The following DPP6 variants were observed in gnomAD, a reference collection of about 807,000 sequenced individuals.
DPP6 encodes the protein A-type potassium channel modulatory protein DPP6.
DPP6 carries 69 observed loss-of-function variants against 122.6 expected under a neutral mutation model. That is an observed-to-expected ratio of 0.56 (90% CI 0.46 to 0.69). The LOEUF is 0.69. Ranked by LOEUF, DPP6 falls within the 30% of genes least tolerant of loss-of-function variation. DPP6 has a pLI of 0.00. For missense variants in DPP6, 928 were observed against 1,116.9 expected (o/e 0.83, Z 2.41); for synonymous variants, 418 against 433.1 (o/e 0.97, Z 0.43).
At chr7:154,230,459 C>T (rs10254647) in intron 1 of DPP6, among the ~76,000 whole-genome samples, 7,310 of 152,256 alleles carry the variant, frequency 0.048, 578 homozygotes, top group African/African-American at 0.16. Context: ...TTCATTTCCA[C>T]GTGGGTCTTG....
intron 1 of DPP6, among the ~76,000 whole-genome samples, chr7:154,226,991 G>A (rs1800641642): frequency 6.6e-6 from 1 of 152,098 alleles, no homozygotes; most frequent in African/African-American, 2.4e-5. Flanking sequence ...ATGTAAAATG[G>A]TGCAGCTGCT....
intron 1 of DPP6, among the ~76,000 whole-genome samples, chr7:154,228,713 C>T (rs1585683242): frequency 6.6e-6 from 1 of 152,016 alleles, no homozygotes; most frequent in South Asian, 2.1e-4. Context: ...GAAAAGTGGA[C>T]TTAAAAGATA....
At chr7:154,080,564 A>T in intron 1 of DPP6, among the ~76,000 whole-genome samples, 1 of 152,168 alleles carries the variant, frequency 6.6e-6, no homozygotes, top group Admixed American at 6.5e-5. Context: ...GCTGGAGCAC[A>T]TATGCTTTTC....
At chr7:154,173,720 G>A (rs867052612) in intron 1 of DPP6, among the ~76,000 whole-genome samples, 36 of 152,150 alleles carry the variant, frequency 2.4e-4, no homozygotes, top group African/African-American at 8.7e-4. Flanking sequence ...GGACAGACAC[G>A]GGATTCCTAT....
intron 1 of DPP6, among the ~76,000 whole-genome samples, chr7:154,247,810 T>C (rs74486946): frequency 1.6e-3 from 250 of 152,314 alleles, no homozygotes; most frequent in African/African-American, 5.8e-3. Flanking sequence ...GGAAAGTTTA[T>C]AGCAGCCCTA....
intron 1 of DPP6, among the ~76,000 whole-genome samples, chr7:154,231,010 G>T (rs1393311705): frequency 6.6e-6 from 1 of 152,146 alleles, no homozygotes; most frequent in Admixed American, 6.5e-5. Flanking sequence ...ACTTATTTTT[G>T]ACATTTGTAA....
At chr7:154,721,070 G>A (rs1233938135) in intron 7 of DPP6, among the ~76,000 whole-genome samples, 1 of 152,224 alleles carries the variant, frequency 6.6e-6, no homozygotes, top group Admixed American at 6.5e-5. Context: ...CTGACATCAG[G>A]TTCCTTCTGA....
chr7:154,053,817 G>T (rs1279141034), intron 1 of DPP6, among the ~76,000 whole-genome samples: 2 of 147,834 alleles, frequency 1.4e-5, no homozygotes, highest in Non-Finnish European at 3.0e-5. Context: ...CTTCATGGGG[G>T]CTGGAAGCCT....
At chr7:154,305,258 C>G (rs976542036) in intron 1 of DPP6, 81 of 1,275,690 alleles carry the variant, frequency 6.3e-5, no homozygotes, top group Non-Finnish European at 7.6e-5. Flanking sequence ...ATTGGAGAAG[C>G]CCCACTAAGC....
chr7:154,803,872 C>T lies in DPP6; in HGVS notation c.1416C>T (p.Ser472=). Residue 472 remains serine, a synonymous_variant, in exon 14 of 26, where the codon AGC becomes AGT. Transcript: ENST00000377770. The part of the protein sequence containing the change: ...HITVSSSQPN[S]SNDNIQSITS... ...ATGTCTGTGTGTTTCAGCCCAACAG[C>T]AGCAACGACAACATCCAGTCCATCA... 1.2e-6 allele frequency: 2 copies of T among 1,613,652 alleles called. No homozygotes were observed. The highest frequency in any genetic ancestry group is 1.7e-6 in the Non-Finnish European group (2 of 1,179,646).
At chr7:154,696,637 G>A (rs1279260980) in intron 7 of DPP6, among the ~76,000 whole-genome samples, 2 of 152,200 alleles carry the variant, frequency 1.3e-5, no homozygotes, top group African/African-American at 4.8e-5. Flanking sequence ...TTCCACTCAT[G>A]GGCTCTGTCC....
rs575856898 is a variant in DPP6 at position 154,329,160 on chromosome 7, A to C, written c.244-117054A>C. 3.3e-5 allele frequency among the ~76,000 whole-genome samples: 5 copies of C among 152,348 alleles called. No homozygotes were observed. The South Asian group carries it at 1.0e-3, about 32-fold the overall frequency. On this transcript the variant is annotated intron_variant, in intron 1 of 25. Transcript: ENST00000377770. Reference sequence around the variant, plus strand: ...TTGTGGATTTACTTAAATATTCCCTATGAAAGCTCCGGTGTACACATTTAT... The same window carrying C: ...TTGTGGATTTACTTAAATATTCCCTCTGAAAGCTCCGGTGTACACATTTAT...
intron 6 of DPP6, among the ~76,000 whole-genome samples, chr7:154,647,168 G>C (rs555536942): frequency 6.6e-6 from 1 of 152,204 alleles, no homozygotes; most frequent in South Asian, 2.1e-4. Context: ...TGTGTGTGCT[G>C]GGGCCCCACC....
chr7:153,791,296 T>C, the DPP6 span, among the ~76,000 whole-genome samples: 2 of 129,774 alleles, frequency 1.5e-5, no homozygotes, highest in East Asian at 4.0e-4. Flanking sequence ...GCAAAGGGAC[T>C]TAATCTTATC....
chr7:153,803,325 G>A, the DPP6 span, among the ~76,000 whole-genome samples: 1 of 150,212 alleles, frequency 6.7e-6, no homozygotes, highest in Non-Finnish European at 1.5e-5. Flanking sequence ...ATTTCTAGAT[G>A]GGATTAGCAT....
In DPP6 at chr7:154,481,971, CG is replaced by C. The variant is rs1586409277; in HGVS notation, c.457+6935del. 3.9e-5 allele frequency among the ~76,000 whole-genome samples: 6 copies of C among 152,304 alleles called. No individual in the cohort carries two copies. In the East Asian group the frequency reaches 1.2e-3, roughly 29 times the overall value. On this transcript the variant is annotated intron_variant, in intron 3 of 25. Transcript: ENST00000377770. The surrounding 1 kb of genome is among the most constrained non-coding windows in gnomAD (Gnocchi z 4.2). ...AAAGTCCCCAGTTTGTGGCCGTCCA[CG>C]AAGACTTCTTGGGCATTTTCTCATT...
At chr7:154,884,189 TAC>T (rs1805841179) in intron 21 of DPP6, 1 of 117,834 alleles carries the variant, frequency 8.5e-6, no homozygotes, top group African/African-American at 3.5e-5. Context: ...CACACACGAT[TAC>T]ATACACCTCC....
At chr7:153,815,291 C>G in the DPP6 span, among the ~76,000 whole-genome samples, 1 of 152,148 alleles carries the variant, frequency 6.6e-6, no homozygotes, top group African/African-American at 2.4e-5. Context: ...GTACAAAAAT[C>G]ACAAGCATTC....
intron 7 of DPP6, among the ~76,000 whole-genome samples, chr7:154,694,284 G>A (rs1840090920): frequency 6.6e-6 from 1 of 152,168 alleles, no homozygotes. Flanking sequence ...GGAACTTGGG[G>A]AGGACACGAA....
Sources: gnomAD v4.1 joint callset for allele counts (sites outside exome capture counted in the v4.1 genomes callset) on GRCh38, gnomAD v4.1.1 for gene constraint, Gnocchi (gnomAD v3.1) non-coding constraint, MANE v1.5 for transcripts, NCBI Gene and HGNC (gene_info 2026-07-23, HGNC 2026-07-21) for gene names.